The following NEBL variants were observed in gnomAD, a reference collection of about 807,000 sequenced individuals.
NEBL encodes the protein nebulette, also known as LIM and SH3 protein 2.
Under a neutral mutation model 140.2 loss-of-function variants are expected in NEBL, and 122 were observed. The observed-to-expected ratio is 0.87, with a 90% CI of 0.75 to 1.01. The LOEUF (loss-of-function observed/expected upper bound fraction) is 1.01. NEBL is among the 50% of genes least tolerant of loss of function. NEBL has a pLI of 0.00. For missense variants in NEBL, 1,365 were observed against 1,231.3 expected, an observed-to-expected ratio of 1.11 and a Z score of -1.62; for synonymous variants, 436 against 398.9, an observed-to-expected ratio of 1.09 and a Z score of -1.11.
rs1365874257 is a variant in NEBL at position 20,790,619 on chromosome 10, C to A, written c.2762-3311G>T. 9.3e-3 allele frequency among the ~76,000 whole-genome samples: 1,364 copies of A among 146,230 alleles called. 37 individuals carry two copies. Among genetic ancestry groups the A allele is most frequent in the African/African-American group, 0.032 (1,246 of 39,368 alleles). Reference sequence around the variant, plus strand: ...CTGTCTCAAAAAAAAAAAAACAAAACAAACAAACAAAAAAACAAAGACAAA... The same window carrying A: ...CTGTCTCAAAAAAAAAAAAACAAAAAAAACAAACAAAAAAACAAAGACAAA... On this transcript the variant is annotated intron_variant, in intron 26 of 27. Transcript: ENST00000377122.
chr10:20,781,630 C>T lies in NEBL; in HGVS notation c.*4117G>A, dbSNP rs983396337. The T allele has an allele frequency of 1.3e-5, 2 of 152,348 alleles. No homozygotes were observed. Among genetic ancestry groups the T allele is most frequent in the African/African-American group, 4.8e-5 (2 of 41,428 alleles). The allele number at this position is 152,348 out of a possible 1,614,324, so 9.4% of individuals were successfully genotyped here. On this transcript the variant is annotated 3_prime_UTR_variant, in exon 28 of 28. Coordinates refer to ENST00000377122, the MANE Select transcript of NEBL (RefSeq NM_006393.3). ...TTCCCAGGAATATACTGAAGTCATA[C>T]AGACAACTGAGAAAATTTGCTCAAA...
intron 3 of NEBL, among the ~76,000 whole-genome samples, chr10:21,192,739 G>A (rs550381562): frequency 1.3e-5 from 2 of 151,336 alleles, no homozygotes; most frequent in South Asian, 4.2e-4. Context: ...CAGCTACGAG[G>A]GGGGCTGAGG....
At chr10:21,125,677 A>C (rs1378192238) in intron 2 of NEBL, 2 of 561,752 alleles carry the variant, frequency 3.6e-6, no homozygotes, top group East Asian at 5.5e-5. Context: ...AAAATGAGAA[A>C]TAAAAGCACA....
In NEBL at chr10:21,256,889, T is replaced by A. The variant is rs988604857; in HGVS notation, n.183-5061A>T. ...ACTCTTCCTAATTATTTTTTCTACATTTGACTGCTATCTATGCTGTTGAGG... is the reference window on the plus strand; with the variant it reads ...ACTCTTCCTAATTATTTTTTCTACAATTGACTGCTATCTATGCTGTTGAGG... On this transcript the variant is annotated intron_variant and non_coding_transcript_variant, in intron 1 of 8. Transcript: ENST00000675702. Among the ~76,000 whole-genome samples, 4 of 152,340 alleles carry A rather than the reference T, an allele frequency of 2.6e-5. No individual in the cohort carries two copies. In the East Asian group the frequency reaches 5.8e-4, roughly 22 times the overall value.
intron 2 of NEBL, among the ~76,000 whole-genome samples, chr10:20,891,627 G>T (rs1387823733): frequency 6.6e-6 from 1 of 152,082 alleles, no homozygotes; most frequent in Non-Finnish European, 1.5e-5. Context: ...TAAGGGTGAG[G>T]TATTTACTTC....
At chr10:20,900,596 G>A (rs572434079), upstream of NEBL, among the ~76,000 whole-genome samples, 9 of 151,526 alleles carry the variant, frequency 5.9e-5, no homozygotes, top group South Asian at 2.1e-4. Context: ...GGCCAAGGCA[G>A]GTGGATTGCT....
chr10:21,084,977 G>A (rs986972546), intron 2 of NEBL, among the ~76,000 whole-genome samples: 26 of 152,302 alleles, frequency 1.7e-4, no homozygotes, highest in African/African-American at 4.8e-4. Context: ...GGGTTAGTGC[G>A]GAAAAATGTG....
At chr10:20,899,035 A>T (rs754603119), upstream of NEBL, among the ~76,000 whole-genome samples, 11 of 152,180 alleles carry the variant, frequency 7.2e-5, no homozygotes, top group Non-Finnish European at 1.3e-4. Flanking sequence ...GGAAACCACA[A>T]CTCTAAGATT....
At chr10:20,936,403 T>C (rs560031395) in intron 4 of NEBL, among the ~76,000 whole-genome samples, 3 of 152,332 alleles carry the variant, frequency 2.0e-5, no homozygotes, top group African/African-American at 4.8e-5. Flanking sequence ...TAACAGGCTA[T>C]TGCAAATGGA....
In NEBL at chr10:20,976,124, C is replaced by T. The variant is rs572512601; in HGVS notation, c.250-14345G>A. ...CCAAGGGAGGCAAATCACTTGAGGT[C>T]AGGAGTTCAAGACCAGCCTAGCCAA... is the stretch of plus-strand genomic sequence containing the variant. On this transcript the variant is annotated intron_variant, in intron 3 of 6. Coordinates refer to the NEBL transcript ENST00000417816. Among the ~76,000 whole-genome samples the T allele has an allele frequency of 2.6e-5, 4 of 151,912 alleles. No individual in the cohort carries two copies. The East Asian group carries it at 7.8e-4, about 30-fold the overall frequency.
chr10:21,214,420 G>A (rs532576032), intron 3 of NEBL, among the ~76,000 whole-genome samples: 6 of 151,974 alleles, frequency 3.9e-5, no homozygotes, highest in Admixed American at 3.9e-4. Context: ...AAAGGAAAAG[G>A]ATCTCCTCAG....
At chr10:21,280,163 C>A (rs1365096637) in intron 1 of NEBL, among the ~76,000 whole-genome samples, 1 of 152,058 alleles carries the variant, frequency 6.6e-6, no homozygotes, top group Non-Finnish European at 1.5e-5. Flanking sequence ...CCAGTCCAAG[C>A]ATAAATCCCC....
At chr10:21,186,257 A>ACACACACACACAC (rs955598418) in intron 3 of NEBL, among the ~76,000 whole-genome samples, 3 of 124,738 alleles carry the variant, frequency 2.4e-5, no homozygotes, top group African/African-American at 5.6e-5. Flanking sequence ...TATATATACA[A>ACACACACACACAC]ACACACACAC....
At chr10:21,004,127 T>C (rs1838021040) in intron 3 of NEBL, among the ~76,000 whole-genome samples, 1 of 152,214 alleles carries the variant, frequency 6.6e-6, no homozygotes, top group African/African-American at 2.4e-5. Context: ...AGATTGTTGA[T>C]TTTTTTAAAC....
intron 3 of NEBL, among the ~76,000 whole-genome samples, chr10:21,001,766 C>T (rs142369372): frequency 9.2e-5 from 14 of 152,240 alleles, no homozygotes; most frequent in African/African-American, 3.1e-4. Flanking sequence ...AACCTGCAAC[C>T]TCAGACATGA....
intron 3 of NEBL, among the ~76,000 whole-genome samples, chr10:21,006,811 C>T (rs905242605): frequency 7.2e-5 from 11 of 152,104 alleles, no homozygotes; most frequent in African/African-American, 2.7e-4. Flanking sequence ...AAGAAAGTTG[C>T]TTTTTTTGGA....
intron 2 of NEBL, among the ~76,000 whole-genome samples, chr10:21,041,998 T>C (rs567604192): frequency 6.6e-6 from 1 of 152,258 alleles, no homozygotes; most frequent in African/African-American, 2.4e-5. Context: ...CCATCTTGGT[T>C]TTGGTGGGTT....
chr10:20,848,612 C>G (rs1842183195), intron 11 of NEBL, among the ~76,000 whole-genome samples: 1 of 149,450 alleles, frequency 6.7e-6, no homozygotes, highest in African/African-American at 2.6e-5. Context: ...GAAGCACAAA[C>G]CCTATTATGA....
chr10:20,946,127 A>G (rs1405694435), intron 4 of NEBL, among the ~76,000 whole-genome samples: 1 of 152,192 alleles, frequency 6.6e-6, no homozygotes, highest in Non-Finnish European at 1.5e-5. Context: ...GATGATTGAC[A>G]GGCCCCTGCT....
Sources: allele counts gnomAD v4.1 joint callset (sites outside exome capture counted in the v4.1 genomes callset), GRCh38; gene constraint gnomAD v4.1.1; transcripts MANE v1.5; gene names NCBI Gene and HGNC (gene_info 2026-07-23, HGNC 2026-07-21).